Variants in CPED1 observed in about 807,000 individuals in gnomAD.
The protein encoded by CPED1 is cadherin like and PC-esterase domain containing 1, also known as cadherin-like and PC-esterase domain-containing protein 1.
In CPED1, 114 loss-of-function variants were observed where a neutral mutation model predicts 128.2. That is an observed-to-expected ratio of 0.89 (90% CI 0.76 to 1.04). The LOEUF (loss-of-function observed/expected upper bound fraction) is 1.04, where lower values mean the gene tolerates loss of function less well. Among genes scored for constraint, CPED1 ranks in the 50% least tolerant of loss-of-function variants. CPED1 has a pLI of 0.00. For synonymous variants in CPED1, 462 were observed against 426.7 expected (o/e 1.08, Z -1.02); for missense variants, 1,211 against 1,207.1 (o/e 1.00, Z -0.05).
chr7:121,223,249 T>C (rs1797927174), intron 16 of CPED1, among the ~76,000 whole-genome samples: 1 of 152,232 alleles, frequency 6.6e-6, no homozygotes, highest in Admixed American at 6.5e-5. Context: ...GTTTATGTGA[T>C]GGATTACCTT....
chr7:120,989,637 G>GT lies in CPED1; in HGVS notation c.17dup (p.Phe7ValfsTer49). 6.2e-7 allele frequency: 1 copy of GT among 1,613,992 alleles called. No individual in the cohort carries two copies. Among genetic ancestry groups the GT allele is most frequent in the Non-Finnish European group, 8.5e-7 (1 of 1,179,996 alleles). On this transcript the variant is annotated frameshift_variant, in exon 2 of 23. Coordinates refer to ENST00000310396, the MANE Select transcript of CPED1 (RefSeq NM_024913.5). LOFTEE classifies it high-confidence loss of function. ...TGAACTGGTCATGGTCTGTCGCCCA[G>GT]TGTTCCCTTGTCGTCGGCGATTTTG... is the stretch of plus-strand genomic sequence containing the variant.
intron 14 of CPED1, among the ~76,000 whole-genome samples, chr7:121,138,632 T>C (rs182672021): frequency 2.8e-4 from 42 of 152,180 alleles, no homozygotes; most frequent in African/African-American, 9.9e-4. Context: ...GACTATTAAG[T>C]GAAAGTATAA....
intron 7 of CPED1, among the ~76,000 whole-genome samples, chr7:121,117,100 A>ATACACATT (rs1450957943): frequency 1.4e-5 from 1 of 70,650 alleles, no homozygotes; most frequent in Non-Finnish European, 3.1e-5. Context: ...TATATATATA[A>ATACACATT]ATATATATAT....
chr7:120,993,518 A>G (rs1479562954), intron 2 of CPED1, among the ~76,000 whole-genome samples: 2 of 152,210 alleles, frequency 1.3e-5, no homozygotes, highest in African/African-American at 4.8e-5. Context: ...CCCAGTGCAA[A>G]TAAGTGGATG....
chr7:121,090,963 A>T (rs60688057), intron 5 of CPED1, among the ~76,000 whole-genome samples: 2 of 144,690 alleles, frequency 1.4e-5, no homozygotes, highest in East Asian at 3.9e-4. Context: ...AAATAAAAAT[A>T]AAAAAAAAAG....
At chr7:121,121,613 T>C (rs1795391330) in intron 7 of CPED1, among the ~76,000 whole-genome samples, 1 of 152,204 alleles carries the variant, frequency 6.6e-6, no homozygotes, top group Non-Finnish European at 1.5e-5. Flanking sequence ...ATTTATTTAA[T>C]TGAAAAACAT....
intron 16 of CPED1, among the ~76,000 whole-genome samples, chr7:121,170,802 G>A (rs1214681892): frequency 1.3e-5 from 2 of 152,154 alleles, no homozygotes; most frequent in Non-Finnish European, 2.9e-5. Context: ...TGTAATCCCA[G>A]CAGTTTGGGA....
At chr7:121,061,944 AG>A (rs1793682858) in intron 4 of CPED1, among the ~76,000 whole-genome samples, 1 of 152,198 alleles carries the variant, frequency 6.6e-6, no homozygotes, top group Non-Finnish European at 1.5e-5. Flanking sequence ...GTTCAGTTCC[AG>A]AGTAGAATAG....
chr7:121,286,300 T>A (rs1792571291), intron 22 of CPED1, among the ~76,000 whole-genome samples: 1 of 152,124 alleles, frequency 6.6e-6, no homozygotes, highest in South Asian at 2.1e-4. Flanking sequence ...GGTGGGGACA[T>A]GGCCAAATCA....
At chr7:121,287,429 C>T (rs1201279802) in intron 22 of CPED1, among the ~76,000 whole-genome samples, 1 of 151,968 alleles carries the variant, frequency 6.6e-6, no homozygotes, top group Non-Finnish European at 1.5e-5. Flanking sequence ...AAGAGGTTTC[C>T]AAAGGAACAA....
intron 16 of CPED1, among the ~76,000 whole-genome samples, chr7:121,161,781 T>A (rs976469744): frequency 6.6e-6 from 1 of 152,164 alleles, no homozygotes; most frequent in Non-Finnish European, 1.5e-5. Flanking sequence ...TGGCAATTAC[T>A]AAAGTGTAAT....
intron 2 of CPED1, among the ~76,000 whole-genome samples, chr7:120,998,434 T>G (rs1209003353): frequency 6.6e-6 from 1 of 152,156 alleles, no homozygotes; most frequent in Non-Finnish European, 1.5e-5. Flanking sequence ...GCTAACATGA[T>G]CCTTAAATGA....
At chr7:121,128,519 G>C (rs199849274) in intron 11 of CPED1, 33 bp downstream of exon 11, 156 of 1,136,348 alleles carry the variant, frequency 1.4e-4, no homozygotes, top group Non-Finnish European at 1.1e-4. Context: ...TTCTTTCTTG[G>C]TGACTGGGAT....
At chr7:121,242,493 T>G (rs1315618282) in intron 17 of CPED1, among the ~76,000 whole-genome samples, 1 of 152,198 alleles carries the variant, frequency 6.6e-6, no homozygotes, top group South Asian at 2.1e-4. Context: ...GCCTAACACT[T>G]CAACAGAGTA....
rs147275815 is a variant in CPED1 at position 121,064,129 on chromosome 7, G to A, written c.541-109G>A. 227 of 726,762 alleles carry A rather than the reference G, an allele frequency of 3.1e-4. 1 individual carries two copies. In the African/African-American group the frequency reaches 3.2e-3, roughly 10 times the overall value. The allele number at this position is 726,762 out of a possible 1,614,324, so 45.0% of individuals were successfully genotyped here. A position where few individuals can be genotyped will look rare whatever the true frequency, so the allele number is the denominator to read the frequency against. The stretch of plus-strand genomic sequence containing the variant: ...GAGATTTGAAGGTGGGGTGTGGGTG[G>A]TTTAGACAGTGCATCCCATCTATAC... On this transcript the variant is annotated intron_variant, in intron 4 of 22. Transcript: ENST00000310396.
At chr7:121,270,510 G>C (rs572445384) in intron 21 of CPED1, among the ~76,000 whole-genome samples, 5 of 152,078 alleles carry the variant, frequency 3.3e-5, no homozygotes, top group Non-Finnish European at 7.4e-5. Context: ...GATTTTTATA[G>C]TTTAAGGTCT....
intron 18 of CPED1, among the ~76,000 whole-genome samples, chr7:121,246,411 T>G (rs1224265868): frequency 4.6e-5 from 7 of 152,238 alleles, no homozygotes; most frequent in Middle Eastern, 3.2e-3. Context: ...CTCACAGTTC[T>G]GGAGGCTACG....
At chr7:121,178,460 G>C (rs1468998605) in intron 16 of CPED1, among the ~76,000 whole-genome samples, 1 of 152,034 alleles carries the variant, frequency 6.6e-6, no homozygotes, top group African/African-American at 2.4e-5. Context: ...GAGGTAAACA[G>C]GGAATGGGGG....
In CPED1 at chr7:121,087,752, C is replaced by T. The variant is rs189872501; in HGVS notation, c.617-9947C>T. Among the ~76,000 whole-genome samples the T allele has an allele frequency of 2.5e-4, 38 of 150,850 alleles. No individual in the cohort carries two copies. The East Asian group carries it at 6.2e-3, about 25-fold the overall frequency. On this transcript the variant is annotated intron_variant, in intron 5 of 22. Coordinates refer to ENST00000310396, the MANE Select transcript of CPED1 (RefSeq NM_024913.5). ...CTTGACTCACTGCAACCTCTGCCTC[C>T]CGGGTTCAAGCAATTCTCTGCCTCA... is the stretch of plus-strand genomic sequence containing the variant.
Sources: gnomAD v4.1 joint callset for allele counts (sites outside exome capture counted in the v4.1 genomes callset) on GRCh38, gnomAD v4.1.1 for gene constraint, MANE v1.5 for transcripts, NCBI Gene and HGNC (gene_info 2026-07-23, HGNC 2026-07-21) for gene names.